SYNE2: variants seen among roughly 807,000 people sequenced by gnomAD.
The protein encoded by SYNE2 is spectrin repeat containing nuclear envelope protein 2.
A neutral mutation model predicts 856.3 loss-of-function variants in SYNE2; 431 were observed. That is an observed-to-expected ratio of 0.50 (90% CI 0.47 to 0.55). The LOEUF (loss-of-function observed/expected upper bound fraction) is 0.55. SYNE2 is among the 20% of genes least tolerant of loss of function. SYNE2 has a pLI of 0.00. For missense variants in SYNE2, 8,129 were observed against 8,023.2 expected (o/e 1.01, Z -0.50); for synonymous variants, 2,923 against 2,872.3 (o/e 1.02, Z -0.56).
At chr14:64,152,192 G>A (rs974216040) in intron 84 of SYNE2, among the ~76,000 whole-genome samples, 1 of 152,176 alleles carries the variant, frequency 6.6e-6, no homozygotes, top group African/African-American at 2.4e-5. Context: ...TGAGTTCTTA[G>A]CTTGGCACAC....
intron 61 of SYNE2, among the ~76,000 whole-genome samples, chr14:64,095,750 C>T (rs749325782): frequency 2.0e-5 from 3 of 152,096 alleles, no homozygotes; most frequent in Admixed American, 6.6e-5. Flanking sequence ...ACAAAGAATA[C>T]TAAAAATACA....
chr14:64,090,715 G>T, intron 59 of SYNE2, 151 bp from the exon 60 acceptor site: 1 of 713,600 alleles, frequency 1.4e-6, no homozygotes. Context: ...CGGATCATGA[G>T]TGATATAATA....
At chr14:63,899,558 G>A (rs992379656) in intron 1 of SYNE2, among the ~76,000 whole-genome samples, 6 of 151,862 alleles carry the variant, frequency 4.0e-5, no homozygotes, top group Non-Finnish European at 7.4e-5. Context: ...CTGGAGTGCC[G>A]TGGCGCAATC....
At chr14:63,782,135 C>A (rs77992920) in intron 1 of SYNE2, among the ~76,000 whole-genome samples, 19 of 136,964 alleles carry the variant, frequency 1.4e-4, no homozygotes, top group South Asian at 2.3e-4. Context: ...GACCCCATCT[C>A]AAAAAAAAAA....
At chr14:64,163,361 A>C in intron 88 of SYNE2, 41 bp from the exon 89 acceptor site, 16 of 1,611,542 alleles carry the variant, frequency 9.9e-6, no homozygotes, top group Non-Finnish European at 1.2e-5. Context: ...TTGTGGTTTG[A>C]AAGGAGGAAG....
At chr14:63,936,573 G>A (rs1054180707) in intron 2 of SYNE2, among the ~76,000 whole-genome samples, 3 of 152,286 alleles carry the variant, frequency 2.0e-5, no homozygotes, top group East Asian at 1.9e-4. Flanking sequence ...CCTAAGGTGG[G>A]AATGGGCCTG....
At chr14:64,037,846 A>G (rs575360493) in intron 45 of SYNE2, among the ~76,000 whole-genome samples, 5,039 of 143,956 alleles carry the variant, frequency 0.035, 294 homozygotes, top group African/African-American at 0.13. Context: ...CGGGGGGCTG[A>G]CACCCCCACC....
At chr14:63,874,855 C>T (rs2094678802) in intron 1 of SYNE2, among the ~76,000 whole-genome samples, 1 of 151,752 alleles carries the variant, frequency 6.6e-6, no homozygotes, top group African/African-American at 2.4e-5. Context: ...CATTTCTTGC[C>T]AAATAACCTG....
At chr14:64,102,501 AT>A (rs1211142346) in intron 64 of SYNE2, among the ~76,000 whole-genome samples, 8,922 of 118,260 alleles carry the variant, frequency 0.075, 541 homozygotes, top group African/African-American at 0.19. Flanking sequence ...CATGGGCTGA[AT>A]TTTTTTTTTT....
chr14:64,139,649 G>T lies in SYNE2; in HGVS notation c.14844-292G>T, dbSNP rs539105106. ...GCTGGTCTCGAACTCCTGACCTCAG[G>T]CAATCCACCTTTTTCGGCCTCCCAA... On this transcript the variant is annotated intron_variant, in intron 79 of 115. Transcript: ENST00000555002. Among the ~76,000 whole-genome samples, 3 of 152,092 alleles carry T rather than the reference G, an allele frequency of 2.0e-5. No homozygotes were observed. The South Asian group carries it at 6.2e-4, about 32-fold the overall frequency.
chr14:63,868,136 T>G (rs1895914926), intron 1 of SYNE2, among the ~76,000 whole-genome samples: 1 of 152,208 alleles, frequency 6.6e-6, no homozygotes, highest in Non-Finnish European at 1.5e-5. Flanking sequence ...CAGAACTGGT[T>G]TAGCAACAAA....
At chr14:63,834,316 T>C (rs1309333300) in intron 1 of SYNE2, among the ~76,000 whole-genome samples, 1 of 152,036 alleles carries the variant, frequency 6.6e-6, no homozygotes, top group African/African-American at 2.4e-5. Flanking sequence ...TGAGCTGAGA[T>C]TGTACCCCTG....
chr14:64,008,078 G>A (rs372895514), intron 31 of SYNE2, among the ~76,000 whole-genome samples: 2 of 152,150 alleles, frequency 1.3e-5, no homozygotes, highest in African/African-American at 4.8e-5. Flanking sequence ...AATTCTAGAG[G>A]CCTCCTGCTA....
intron 96 of SYNE2, among the ~76,000 whole-genome samples, chr14:64,180,220 C>T (rs1362701577): frequency 1.3e-5 from 2 of 152,128 alleles, no homozygotes; most frequent in Non-Finnish European, 2.9e-5. Context: ...ATCAAACTGT[C>T]TTGATTACTG....
intron 66 of SYNE2, among the ~76,000 whole-genome samples, chr14:64,115,999 TTAAAAAAAAA>T (rs2097851222): frequency 6.6e-6 from 1 of 151,618 alleles, no homozygotes; most frequent in Non-Finnish European, 1.5e-5. Flanking sequence ...ACAAAATAAT[TTAAAAAAAAA>T]TTAAAAAATA....
chr14:63,867,676 T>G (rs920411950), intron 1 of SYNE2, among the ~76,000 whole-genome samples: 3 of 151,300 alleles, frequency 2.0e-5, no homozygotes, highest in African/African-American at 7.3e-5. Context: ...CCAGCCTGGA[T>G]GACAGAGCGA....
intron 8 of SYNE2, among the ~76,000 whole-genome samples, chr14:63,958,965 T>A (rs1426790479): frequency 1.3e-5 from 2 of 152,226 alleles, no homozygotes; most frequent in African/African-American, 2.4e-5. Flanking sequence ...TTTATCCCCA[T>A]CAGTATGAAG....
At chr14:63,881,159 T>G (rs1299882551) in intron 1 of SYNE2, among the ~76,000 whole-genome samples, 4 of 151,906 alleles carry the variant, frequency 2.6e-5, no homozygotes, top group Admixed American at 6.6e-5. Flanking sequence ...TTTTTTTTTT[T>G]GTAGAGACAG....
At chr14:63,849,512 C>CAGTCATTAAT (rs1401398709), upstream of SYNE2, among the ~76,000 whole-genome samples, 3 of 152,256 alleles carry the variant, frequency 2.0e-5, no homozygotes, top group Admixed American at 6.5e-5. Flanking sequence ...GACAGAGAAT[C>CAGTCATTAAT]AGTCATTAAT....
Sources: allele counts gnomAD v4.1 joint callset (sites outside exome capture counted in the v4.1 genomes callset), GRCh38; gene constraint gnomAD v4.1.1; transcripts MANE v1.5; gene names NCBI Gene and HGNC (gene_info 2026-07-23, HGNC 2026-07-21).